Variants in PCDHA9 observed in about 807,000 individuals in gnomAD.
PCDHA9 encodes protocadherin alpha-9.
Under a neutral mutation model 62.0 loss-of-function variants are expected in PCDHA9, and 62 were observed. That is an observed-to-expected ratio of 1.00 (90% CI 0.81 to 1.23). The LOEUF is 1.23. Ranked by LOEUF, PCDHA9 falls within the 50% of genes most tolerant of loss-of-function variation. The pLI, the probability that PCDHA9 is intolerant of heterozygous loss-of-function variation, is 0.00. For synonymous variants in PCDHA9, 557 were observed against 567.6 expected (o/e 0.98, Z 0.27); for missense variants, 1,205 against 1,249.8 (o/e 0.96, Z 0.54).
chr5:141,011,288 T>C lies in PCDHA9; in HGVS notation c.*1351T>C, dbSNP rs1379355395. 1 of 153,798 alleles carries C rather than the reference T, an allele frequency of 6.5e-6. No individual in the cohort carries two copies. Among genetic ancestry groups the C allele is most frequent in the Non-Finnish European group, 1.5e-5 (1 of 68,050 alleles). The allele number at this position is 153,798 out of a possible 1,614,324, so 9.5% of individuals were successfully genotyped here. A position where few individuals can be genotyped will look rare whatever the true frequency, so the allele number is the denominator to read the frequency against. On this transcript the variant is annotated 3_prime_UTR_variant, in exon 4 of 4. Transcript: ENST00000532602. ...CTTCTCTTTGGTTTAGTTTTCCTTT[T>C]CTATAACACTCTGAATTGCTAATCT... is the stretch of plus-strand genomic sequence containing the variant.
chr5:140,865,920 G>A (rs1282584078), intron 1 of PCDHA9: 2 of 152,110 alleles, frequency 1.3e-5, no homozygotes, highest in African/African-American at 2.4e-5. Flanking sequence ...TTTCTGTTGT[G>A]CTTAGAAGAA....
intron 1 of PCDHA9, chr5:140,871,411 G>A: frequency 6.2e-7 from 1 of 1,614,056 alleles, no homozygotes; most frequent in Non-Finnish European, 8.5e-7. Flanking sequence ...GGACCTCATG[G>A]CCTTCAGCCC....
At chr5:140,904,015 A>G (rs1374371306) in intron 1 of PCDHA9, among the ~76,000 whole-genome samples, 1 of 152,234 alleles carries the variant, frequency 6.6e-6, no homozygotes, top group Non-Finnish European at 1.5e-5. Context: ...ACTTTAAAAA[A>G]TAATGGTATA....
intron 1 of PCDHA9, chr5:140,851,440 C>T (rs1474204778): frequency 1.1e-6 from 1 of 926,576 alleles, no homozygotes; most frequent in South Asian, 4.9e-5. Flanking sequence ...AAAACAGTTG[C>T]TCCACTTTAG....
Position 140,920,646 on chromosome 5 carries a change from C to T in PCDHA9, c.2395-58303C>T, listed in dbSNP as rs1210828369. Among the ~76,000 whole-genome samples, 4 of 152,014 alleles carry T rather than the reference C, an allele frequency of 2.6e-5. No individual in the cohort carries two copies. In the South Asian group the frequency reaches 8.3e-4, roughly 32 times the overall value. On this transcript the variant is annotated intron_variant, in intron 1 of 3. Coordinates refer to ENST00000532602, the MANE Select transcript of PCDHA9 (RefSeq NM_031857.2). ...GGATCACAAGGTCAAGAGATTGAGA[C>T]CATCCTTGCCAACATGGTGAAACCC...
chr5:140,965,857 A>G (rs1563345275), intron 1 of PCDHA9, among the ~76,000 whole-genome samples: 1 of 152,220 alleles, frequency 6.6e-6, no homozygotes, highest in South Asian at 2.1e-4. Context: ...GCACACACTG[A>G]AAATAAGGGC....
At chr5:140,978,499 T>A (rs1178288273) in intron 1 of PCDHA9, among the ~76,000 whole-genome samples, 1 of 152,238 alleles carries the variant, frequency 6.6e-6, no homozygotes, top group African/African-American at 2.4e-5. Flanking sequence ...AGCAGCAGAT[T>A]GCAGTCCTCT....
At chr5:140,870,570 G>A in intron 1 of PCDHA9, 1 of 1,613,972 alleles carries the variant, frequency 6.2e-7, no homozygotes, top group Non-Finnish European at 8.5e-7. Flanking sequence ...ACGCGCTGGT[G>A]TCCTACTCGC....
chr5:140,880,889 G>T (rs1554171573), intron 1 of PCDHA9, among the ~76,000 whole-genome samples: 1 of 152,130 alleles, frequency 6.6e-6, no homozygotes, highest in Admixed American at 6.6e-5. Context: ...GAAATGTAGG[G>T]CCAGATAGAA....
chr5:140,935,736 A>G (rs2090532745), intron 1 of PCDHA9, among the ~76,000 whole-genome samples: 1 of 152,190 alleles, frequency 6.6e-6, no homozygotes, highest in Admixed American at 6.5e-5. Flanking sequence ...TCTAGTATCT[A>G]TTATTCCATA....
At chr5:140,866,196 T>C (rs1176237600) in intron 1 of PCDHA9, 3 of 152,160 alleles carry the variant, frequency 2.0e-5, no homozygotes, top group African/African-American at 7.2e-5. Context: ...AACTGTGGTT[T>C]CCAATATCCT....
At chr5:140,882,327 T>C in intron 1 of PCDHA9, 1 of 1,614,172 alleles carries the variant, frequency 6.2e-7, no homozygotes, top group Non-Finnish European at 8.5e-7. Flanking sequence ...TGGCTTCTGA[T>C]CCTCGCAGCC....
chr5:140,983,629 T>C (rs2097059537), intron 3 of PCDHA9, among the ~76,000 whole-genome samples: 1 of 152,228 alleles, frequency 6.6e-6, no homozygotes, highest in African/African-American at 2.4e-5. Flanking sequence ...TTAAGAAATG[T>C]ACCCAAGTTC....
intron 1 of PCDHA9, chr5:140,967,413 A>G: frequency 6.2e-7 from 1 of 1,613,218 alleles, no homozygotes; most frequent in Non-Finnish European, 8.5e-7. Context: ...AAGGGCCTAG[A>G]CCGGGAGCAG....
intron 1 of PCDHA9, among the ~76,000 whole-genome samples, chr5:140,962,592 G>C (rs1318639328): frequency 1.3e-5 from 2 of 152,164 alleles, no homozygotes; most frequent in Non-Finnish European, 2.9e-5. Flanking sequence ...ATATTTGACT[G>C]ATATATTTCT....
At chr5:141,003,668 A>G (rs1353003376) in intron 3 of PCDHA9, among the ~76,000 whole-genome samples, 1 of 152,196 alleles carries the variant, frequency 6.6e-6, no homozygotes, top group Non-Finnish European at 1.5e-5. Context: ...ATTAAAATAT[A>G]TGTTGTTCTG....
chr5:140,999,507 T>A (rs2097860188), intron 3 of PCDHA9, among the ~76,000 whole-genome samples: 1 of 152,078 alleles, frequency 6.6e-6, no homozygotes, highest in South Asian at 2.1e-4. Flanking sequence ...GAACCTACAT[T>A]TTAAGCATTT....
chr5:140,932,474 A>G (rs1444534569), intron 1 of PCDHA9, among the ~76,000 whole-genome samples: 1 of 151,904 alleles, frequency 6.6e-6, no homozygotes, highest in African/African-American at 2.4e-5. Context: ...AGGAAATAGG[A>G]TATCTCCTCT....
chr5:140,923,804 A>G (rs782008903), intron 1 of PCDHA9, among the ~76,000 whole-genome samples: 30 of 152,222 alleles, frequency 2.0e-4, no homozygotes, highest in Admixed American at 3.9e-4. Flanking sequence ...CACAAATGAA[A>G]TCTTCTGAAA....
Sources: allele counts gnomAD v4.1 joint callset (sites outside exome capture counted in the v4.1 genomes callset), GRCh38; gene constraint gnomAD v4.1.1; transcripts MANE v1.5; gene names NCBI Gene and HGNC (gene_info 2026-07-23, HGNC 2026-07-21).